Variants in TTC38 observed in about 807,000 individuals in gnomAD.
TTC38 encodes tetratricopeptide repeat protein 38.
In TTC38, 64 loss-of-function variants were observed where a neutral mutation model predicts 64.2. That is an observed-to-expected ratio of 1.00 (90% CI 0.81 to 1.23). The LOEUF is 1.23. Among genes scored for constraint, TTC38 ranks in the 50% most tolerant of loss-of-function variants. The probability of loss-of-function intolerance (pLI) is 0.00; values close to 1 mark genes in which losing one functional copy is unlikely to be tolerated. For missense variants in TTC38, 573 were observed against 615.5 expected (o/e 0.93, Z 0.73); for synonymous variants, 254 against 249.3 (o/e 1.02, Z -0.18).
In TTC38 at chr22:46,268,672, G is replaced by T. The variant is rs1409237470; in HGVS notation, c.111+81G>T. On this transcript the variant is annotated intron_variant, in intron 2 of 13. Coordinates refer to ENST00000381031, the MANE Select transcript of TTC38 (RefSeq NM_017931.4). The stretch of plus-strand genomic sequence containing the variant: ...TTTAATTGGGGAAAGCTGTTTTTTT[G>T]TTTTGTTTTGTTTTGTTTTGTTTTG... The T allele has an allele frequency of 1.3e-5, 10 of 761,520 alleles. No individual in the cohort carries two copies. The Admixed American group carries it at 1.5e-4, about 11-fold the overall frequency. The allele number at this position is 761,520 out of a possible 1,614,324, so 47.2% of individuals were successfully genotyped here.
chr22:46,284,165 C>A, intron 8 of TTC38, 133 bp downstream of exon 8: 1 of 737,886 alleles, frequency 1.4e-6, no homozygotes. Context: ...TTCCAAAGAG[C>A]ACTCTAGGCT....
intron 7 of TTC38, among the ~76,000 whole-genome samples, chr22:46,283,296 C>G (rs2077548279): frequency 6.6e-6 from 1 of 152,158 alleles, no homozygotes; most frequent in African/African-American, 2.4e-5. Context: ...GGGCCTCGCA[C>G]CTCCCTGTGG....
rs1178920044 is a variant in TTC38 at position 46,275,342 on chromosome 22, T to C, written c.460T>C (p.Tyr154His). The C allele has an allele frequency of 6.2e-7, 1 of 1,614,182 alleles. No individual in the cohort carries two copies. The highest frequency in any genetic ancestry group is 1.6e-4 in the Middle Eastern group (1 of 6,062). ...GAAATTTTCCCATGATGCTTATTTT[T>C]ACCTGGGCTATCAGGAACAGATGAG... is the stretch of plus-strand genomic sequence containing the variant. ...ALKFSHDAYF[Y>H]LGYQEQMRDS... is the part of the protein sequence containing the mutation. Residue 154 changes from tyrosine (Y) to histidine (H), a missense_variant, in exon 5 of 14, where the codon TAC becomes CAC. Tyr to His is a moderately conservative substitution (Grantham distance 83). Transcript: ENST00000381031. This position sits in a 1 kb window ranked among gnomAD's most constrained non-coding sequence, Gnocchi z 4.5.
intron 2 of TTC38, 155 bp downstream of exon 2, chr22:46,268,746 G>C (rs1271353531): frequency 1.5e-6 from 1 of 671,470 alleles, no homozygotes; most frequent in African/African-American, 1.8e-5. Flanking sequence ...GTGCAGTGGC[G>C]CTATTTCGGC....
rs555427294 is a variant in TTC38, at chr22:46,292,807, C to A, written c.1333C>A (p.Arg445Ser). 2 of 1,613,906 alleles carry A rather than the reference C, an allele frequency of 1.2e-6. No homozygotes were observed. Among genetic ancestry groups the A allele is most frequent in the East Asian group, 2.2e-5 (1 of 44,872 alleles). The change falls in exon 14 of 14, where the codon CGT becomes AGT. Residue 445 changes from arginine to serine, a missense_variant. Around this residue, in one of 3 missense-constraint regions of TTC38, gnomAD observed 371 missense variants for 381.8 expected, o/e 0.97. Coordinates refer to ENST00000381031, the MANE Select transcript of TTC38 (RefSeq NM_017931.4). This position sits in a 1 kb window ranked among gnomAD's most constrained non-coding sequence, Gnocchi z 6.5. ...TTTCCACAGGAGCCTTCTGATGGAG[C>A]GTGATGCCTTGAAGCCCAACTCGCC... Reference protein sequence around the residue: ...KNVARSLLMERDALKPNSPLT... With the variant: ...KNVARSLLMESDALKPNSPLT...
At chr22:46,290,885 A>G (rs534467550) in intron 13 of TTC38, among the ~76,000 whole-genome samples, 9 of 152,264 alleles carry the variant, frequency 5.9e-5, no homozygotes, top group African/African-American at 1.7e-4. Context: ...CTCCTTGCCC[A>G]TGTCCCTGCC....
rs1936994332 is a variant in TTC38, at chr22:46,275,746, T to C, written c.539+325T>C. ...TGGCTACCTTAGAAGGGCTGAGGGC[T>C]CTGCCACCATGTCCTTGTCTCCATC... On this transcript the variant is annotated intron_variant, in intron 5 of 13. Coordinates refer to ENST00000381031, the MANE Select transcript of TTC38 (RefSeq NM_017931.4). This position sits in a 1 kb window ranked among gnomAD's most constrained non-coding sequence, Gnocchi z 4.5. 6.6e-6 allele frequency among the ~76,000 whole-genome samples: 1 copy of C among 152,230 alleles called. No homozygotes were observed.
At position 46,272,478 on chromosome 22, in the gene TTC38, T is replaced by C; in HGVS notation, c.193+62T>C. 1 of 1,411,602 alleles carries C rather than the reference T, an allele frequency of 7.1e-7. No individual in the cohort carries two copies. Among genetic ancestry groups the C allele is most frequent in the Non-Finnish European group, 1.0e-6 (1 of 1,000,092 alleles). 87.4% of individuals were successfully genotyped at this position (1,411,602 alleles called of 1,614,324 possible). ...TCACACATCCAGCCCCTCTCTTTCCTTTACCACAGGGACACAGTTGGGATG... is the reference window on the plus strand; with the variant it reads ...TCACACATCCAGCCCCTCTCTTTCCCTTACCACAGGGACACAGTTGGGATG... On this transcript the variant is annotated intron_variant, in intron 3 of 13. Coordinates refer to ENST00000381031, the MANE Select transcript of TTC38 (RefSeq NM_017931.4). The surrounding 1 kb of genome is among the most constrained non-coding windows in gnomAD (Gnocchi z 6.4).
Position 46,272,499 on chromosome 22 carries a change from G to T in TTC38, c.193+83G>T. On this transcript the variant is annotated intron_variant, in intron 3 of 13. Coordinates refer to ENST00000381031, the MANE Select transcript of TTC38 (RefSeq NM_017931.4). The surrounding 1 kb of genome is among the most constrained non-coding windows in gnomAD (Gnocchi z 6.4). ...TTCCTTTACCACAGGGACACAGTTG[G>T]GATGGGGAAGGCAGGTTGGGTGGCA... 1 of 1,223,312 alleles carries T rather than the reference G, an allele frequency of 8.2e-7. No homozygotes were observed. The highest frequency in any genetic ancestry group is 2.4e-5 in the East Asian group (1 of 41,896). The allele number at this position is 1,223,312 out of a possible 1,614,324, so 75.8% of individuals were successfully genotyped here.
rs1446784415 is a variant in TTC38 at position 46,276,013 on chromosome 22, C to A, written c.539+592C>A. ...AGGCCTGGAATGTGCATGAACAGCC[C>A]CAGTGACCACCACACAGGACTGACT... On this transcript the variant is annotated intron_variant, in intron 5 of 13. Coordinates refer to ENST00000381031, the MANE Select transcript of TTC38 (RefSeq NM_017931.4). This position sits in a 1 kb window ranked among gnomAD's most constrained non-coding sequence, Gnocchi z 4.7. 6.6e-6 allele frequency among the ~76,000 whole-genome samples: 1 copy of A among 151,508 alleles called. No individual in the cohort carries two copies. Among genetic ancestry groups the A allele is most frequent in the African/African-American group, 2.4e-5 (1 of 41,374 alleles).
chr22:46,280,187 G>C (rs1220892229), intron 6 of TTC38: 2 of 471,130 alleles, frequency 4.2e-6, no homozygotes, highest in Non-Finnish European at 8.8e-6. Flanking sequence ...CCCCAGGCTG[G>C]TGAGGGTAGG....
At chr22:46,290,003 G>C in intron 13 of TTC38, 104 bp downstream of exon 13, 1 of 1,017,900 alleles carries the variant, frequency 9.8e-7, no homozygotes, top group Non-Finnish European at 1.5e-6. Flanking sequence ...AGATGCTCCT[G>C]CTTCTGAGGC....
rs1471053344 is a variant in TTC38 at position 46,288,501 on chromosome 22, A to C, written c.995A>C (p.Asn332Thr). 7 of 1,613,856 alleles carry C rather than the reference A, an allele frequency of 4.3e-6. No individual in the cohort carries two copies. Among genetic ancestry groups the C allele is most frequent in the Non-Finnish European group, 5.9e-6 (7 of 1,179,922 alleles). The part of the protein sequence containing the change: ...KHSRDHILLF[N>T]DAHFLMASLG... ...AGCCGAGACCACATCCTGCTGTTCA[A>C]TGACGCACACTTCCTGATGGCATCC... The change falls in exon 11 of 14, where the codon AAT becomes ACT. Residue 332 changes from asparagine to threonine, a missense_variant. By Grantham distance (65) the Asn-to-Thr change is moderately conservative. Coordinates refer to ENST00000381031, the MANE Select transcript of TTC38 (RefSeq NM_017931.4).
In TTC38 at chr22:46,273,339, T is replaced by G. The variant is rs770778256; in HGVS notation, c.194-559T>G. Among the ~76,000 whole-genome samples, 89 of 152,204 alleles carry G rather than the reference T, an allele frequency of 5.8e-4. 1 individual carries two copies. Among genetic ancestry groups the G allele is most frequent in the Non-Finnish European group, 1.0e-4 (7 of 68,032 alleles). The stretch of plus-strand genomic sequence containing the variant: ...GTCCTGGGTCCCAGGCCTGAGCCAG[T>G]GACCAAGTTCCAAATGCCAGTGGAC... On this transcript the variant is annotated intron_variant, in intron 3 of 13. Transcript: ENST00000381031. The surrounding 1 kb of genome is among the most constrained non-coding windows in gnomAD (Gnocchi z 5.1).
intron 9 of TTC38, among the ~76,000 whole-genome samples, chr22:46,286,594 G>A (rs1057352446): frequency 6.6e-6 from 1 of 151,928 alleles, no homozygotes; most frequent in African/African-American, 2.4e-5. Context: ...CCAGGAGGCG[G>A]AGGTTGCAGT....
At position 46,281,670 on chromosome 22, in the gene TTC38, G is replaced by A; in HGVS notation, c.687G>A (p.Glu229=). 10 of 1,614,176 alleles carry A rather than the reference G, an allele frequency of 6.2e-6. No individual in the cohort carries two copies. The highest frequency in any genetic ancestry group is 8.5e-6 in the Non-Finnish European group (10 of 1,180,042). The part of the protein sequence containing the change: ...TVAHIHEMKA[E]IKDGLEFMQH... ...CTCACATCCACGAGATGAAAGCAGA[G>A]ATCAAGGATGGGTTGGAATTCATGC... Residue 229 remains glutamate (E), a synonymous_variant, in exon 7 of 14, where the codon GAG becomes GAA. Transcript: ENST00000381031. This position sits in a 1 kb window ranked among gnomAD's most constrained non-coding sequence, Gnocchi z 5.2.
chr22:46,292,793 G>T lies in TTC38; in HGVS notation c.1319G>T (p.Ser440Ile), dbSNP rs769354122. Residue 440 changes from serine to isoleucine, a missense_variant and splice_region_variant, in exon 14 of 14, where the codon AGC (serine) becomes ATC (isoleucine). Physicochemically the swap from Ser to Ile is moderately radical, Grantham distance 142. Transcript: ENST00000381031. This position sits in a 1 kb window ranked among gnomAD's most constrained non-coding sequence, Gnocchi z 6.5. ...GACCTCTGTGTCTGTTTCCACAGGA[G>T]CCTTCTGATGGAGCGTGATGCCTTG... ...TSSVHKNVARSLLMERDALKP... is the reference protein window; with the variant it reads ...TSSVHKNVARILLMERDALKP... The T allele has an allele frequency of 1.2e-6, 2 of 1,613,634 alleles. No homozygotes were observed. Among genetic ancestry groups the T allele is most frequent in the East Asian group, 2.2e-5 (1 of 44,872 alleles).
At position 46,281,295 on chromosome 22, in the gene TTC38, G is replaced by A. The variant is rs2077532744; in HGVS notation, c.616-304G>A. Among the ~76,000 whole-genome samples, 1 of 152,210 alleles carries A rather than the reference G, an allele frequency of 6.6e-6. No individual in the cohort carries two copies. The highest frequency in any genetic ancestry group is 2.1e-4 in the South Asian group (1 of 4,832). ...CCTCAGCTGTATGCAGAATGCTGTGGGCTTGGGTCTGAGCCCTGGCTTTAG... is the reference window on the plus strand; with the variant it reads ...CCTCAGCTGTATGCAGAATGCTGTGAGCTTGGGTCTGAGCCCTGGCTTTAG... On this transcript the variant is annotated intron_variant, in intron 6 of 13. Transcript: ENST00000381031. This position sits in a 1 kb window ranked among gnomAD's most constrained non-coding sequence, Gnocchi z 5.2.
In TTC38 at chr22:46,272,741, A is replaced by G. The variant is rs1409663523; in HGVS notation, c.193+325A>G. 1.3e-5 allele frequency among the ~76,000 whole-genome samples: 2 copies of G among 152,218 alleles called. No individual in the cohort carries two copies. The highest frequency in any genetic ancestry group is 2.9e-5 in the Non-Finnish European group (2 of 68,038). On this transcript the variant is annotated intron_variant, in intron 3 of 13. Coordinates refer to ENST00000381031, the MANE Select transcript of TTC38 (RefSeq NM_017931.4). The surrounding 1 kb of genome is among the most constrained non-coding windows in gnomAD (Gnocchi z 6.4). ...AGTAAGACTGTACTTAAAGCCACCC[A>G]GCTGGTGGTTGACCCCTGGGATTAG...
Sources: allele counts gnomAD v4.1 joint callset (sites outside exome capture counted in the v4.1 genomes callset), GRCh38; gene constraint gnomAD v4.1.1; regional missense constraint gnomAD v4.1.1; non-coding constraint Gnocchi (gnomAD v3.1); transcripts MANE v1.5; gene names NCBI Gene and HGNC (gene_info 2026-07-23, HGNC 2026-07-21).